The following TACR1 variants were observed in gnomAD, a reference collection of about 807,000 sequenced individuals.
The protein encoded by TACR1 is substance-P receptor.
In TACR1, 25 loss-of-function variants were observed where a neutral mutation model predicts 35.8. The ratio of observed to expected loss-of-function variants is 0.70; its 90% CI spans 0.51 to 0.98. The LOEUF is 0.98. Among genes scored for constraint, TACR1 ranks in the 50% least tolerant of loss-of-function variants. The probability of loss-of-function intolerance (pLI) is 0.00; values close to 1 mark genes in which losing one functional copy is unlikely to be tolerated. For missense variants in TACR1, 478 were observed against 522.9 expected, an observed-to-expected ratio of 0.91 and a Z score of 0.84; for synonymous variants, 195 against 206.7, an observed-to-expected ratio of 0.94 and a Z score of 0.48.
At chr2:75,093,131 T>A (rs779766111) in intron 2 of TACR1, among the ~76,000 whole-genome samples, 1 of 152,088 alleles carries the variant, frequency 6.6e-6, no homozygotes, top group East Asian at 1.9e-4. Flanking sequence ...GGAGAGAAGG[T>A]GACAATATGT....
rs375030562 is a variant in TACR1 at position 75,154,185 on chromosome 2, C to T, written c.390-33417G>A. Among the ~76,000 whole-genome samples the T allele has an allele frequency of 1.4e-4, 21 of 152,090 alleles. No homozygotes were observed. In the East Asian group the frequency reaches 3.5e-3, roughly 25 times the overall value. On this transcript the variant is annotated intron_variant, in intron 1 of 4. Coordinates refer to ENST00000305249, the MANE Select transcript of TACR1 (RefSeq NM_001058.4). The stretch of plus-strand genomic sequence containing the variant: ...CCTTCCTCCCGGCTCCTGGCTCCCT[C>T]GGGATCTGAACACTCAGGGTCATGC...
At chr2:75,074,163 G>T (rs1392202963) in intron 2 of TACR1, among the ~76,000 whole-genome samples, 1 of 152,188 alleles carries the variant, frequency 6.6e-6, no homozygotes, top group Non-Finnish European at 1.5e-5. Flanking sequence ...CACAAGCGGG[G>T]CAAGCTGTAA....
chr2:75,178,254 G>C (rs1467032535), intron 1 of TACR1, among the ~76,000 whole-genome samples: 1 of 150,492 alleles, frequency 6.6e-6, no homozygotes, highest in Non-Finnish European at 1.5e-5. Flanking sequence ...GTGTCATCTC[G>C]GCTCACTGCA....
At chr2:75,153,895 A>AT (rs113735402) in intron 1 of TACR1, among the ~76,000 whole-genome samples, 3 of 151,950 alleles carry the variant, frequency 2.0e-5, no homozygotes, top group Non-Finnish European at 1.5e-5. Context: ...GATTCATTAA[A>AT]TTTTTTTTCC....
chr2:75,057,564 A>G (rs995384379), intron 2 of TACR1, among the ~76,000 whole-genome samples: 3 of 152,276 alleles, frequency 2.0e-5, no homozygotes, highest in African/African-American at 4.8e-5. Context: ...TGCTAACTGA[A>G]TAAGTCAGAC....
chr2:75,191,833 G>A (rs550115799), intron 1 of TACR1, among the ~76,000 whole-genome samples: 5 of 152,142 alleles, frequency 3.3e-5, no homozygotes, highest in African/African-American at 9.6e-5. Context: ...TGCTCATGAC[G>A]CACACATTTT....
intron 2 of TACR1, among the ~76,000 whole-genome samples, chr2:75,100,183 C>A (rs1036191091): frequency 3.3e-5 from 5 of 152,102 alleles, no homozygotes; most frequent in African/African-American, 9.7e-5. Flanking sequence ...AGACAGACTC[C>A]CTCAGTTCAG....
rs528838717 is a variant in TACR1 at position 75,189,667 on chromosome 2, T to C, written c.389+8879A>G. On this transcript the variant is annotated intron_variant, in intron 1 of 4. Transcript: ENST00000305249. The stretch of plus-strand genomic sequence containing the variant: ...TTTAATTCTCAGCAGGTTGAAATGC[T>C]TTAAGAGAATTTGTGTGCTAAATTT... 1.4e-4 allele frequency: 21 copies of C among 152,348 alleles called. 1 individual carries two copies. Among genetic ancestry groups the C allele is most frequent in the African/African-American group, 4.3e-4 (18 of 41,586 alleles). The allele number at this position is 152,348 out of a possible 1,614,324, so 9.4% of individuals were successfully genotyped here.
At chr2:75,182,950 T>C (rs933928521) in intron 1 of TACR1, among the ~76,000 whole-genome samples, 4 of 152,230 alleles carry the variant, frequency 2.6e-5, no homozygotes, top group Non-Finnish European at 5.9e-5. Flanking sequence ...TGAATAATCA[T>C]TGGATTAATG....
intron 1 of TACR1, among the ~76,000 whole-genome samples, chr2:75,170,472 A>G (rs1271182924): frequency 6.6e-6 from 1 of 152,166 alleles, no homozygotes; most frequent in Admixed American, 6.5e-5. Context: ...GTAAATTGGT[A>G]CTGGTAGAGT....
chr2:75,152,409 T>G (rs1436056765), intron 1 of TACR1, among the ~76,000 whole-genome samples: 1 of 152,144 alleles, frequency 6.6e-6, no homozygotes, highest in African/African-American at 2.4e-5. Flanking sequence ...GATCTGATGG[T>G]TTTATCAGGG....
At chr2:75,153,772 A>C (rs1423671714) in intron 1 of TACR1, among the ~76,000 whole-genome samples, 3 of 152,202 alleles carry the variant, frequency 2.0e-5, no homozygotes, top group Non-Finnish European at 4.4e-5. Context: ...CCAGGGATGC[A>C]AAAGGGAGGA....
intron 3 of TACR1, among the ~76,000 whole-genome samples, chr2:75,053,351 CGT>C (rs146114140): frequency 6.6e-6 from 1 of 151,118 alleles, no homozygotes; most frequent in African/African-American, 2.4e-5. Context: ...TTTAAGTGTG[CGT>C]GTGTGTGTGT....
intron 3 of TACR1, among the ~76,000 whole-genome samples, chr2:75,053,069 G>A (rs6747372): frequency 6.6e-6 from 1 of 151,928 alleles, no homozygotes; most frequent in African/African-American, 2.4e-5. Context: ...TTGGTGTATA[G>A]ATTTATGAAA....
intron 2 of TACR1, among the ~76,000 whole-genome samples, chr2:75,087,938 C>G (rs1330929958): frequency 1.3e-5 from 2 of 152,142 alleles, no homozygotes; most frequent in Non-Finnish European, 2.9e-5. Context: ...AACTCAGCCT[C>G]CAGTGGCAGG....
chr2:75,077,330 T>C (rs951833664), intron 2 of TACR1, among the ~76,000 whole-genome samples: 12 of 152,176 alleles, frequency 7.9e-5, no homozygotes, highest in Non-Finnish European at 1.5e-4. Context: ...TGGACAGTGG[T>C]GATTTGAACT....
chr2:75,143,976 A>G (rs955489369), intron 1 of TACR1, among the ~76,000 whole-genome samples: 6 of 152,212 alleles, frequency 3.9e-5, no homozygotes, highest in African/African-American at 1.4e-4. Context: ...TAATGCTGGT[A>G]CATAGAACAA....
At chr2:75,126,875 C>G (rs2103921252) in intron 1 of TACR1, among the ~76,000 whole-genome samples, 1 of 152,146 alleles carries the variant, frequency 6.6e-6, no homozygotes, top group Non-Finnish European at 1.5e-5. Flanking sequence ...CCTGTGGCCG[C>G]AAGCATATGA....
intron 2 of TACR1, among the ~76,000 whole-genome samples, chr2:75,106,280 T>G (rs1356562485): frequency 6.6e-6 from 1 of 152,104 alleles, no homozygotes; most frequent in African/African-American, 2.4e-5. Context: ...GGCATTGTTT[T>G]GCATTTTTGC....
Sources: allele counts gnomAD v4.1 joint callset (sites outside exome capture counted in the v4.1 genomes callset), GRCh38; gene constraint gnomAD v4.1.1; transcripts MANE v1.5; gene names NCBI Gene and HGNC (gene_info 2026-07-23, HGNC 2026-07-21).